The following NAALADL2 variants were observed in gnomAD, a reference collection of about 807,000 sequenced individuals.
NAALADL2 encodes the protein inactive N-acetylated-alpha-linked acidic dipeptidase-like protein 2.
Under a neutral mutation model 87.2 loss-of-function variants are expected in NAALADL2, and 76 were observed. The ratio of observed to expected loss-of-function variants is 0.87; its 90% CI spans 0.72 to 1.05. NAALADL2 has a LOEUF of 1.05. Among genes scored for constraint, NAALADL2 ranks in the 50% least tolerant of loss-of-function variants. NAALADL2 has a pLI of 0.00. For missense variants in NAALADL2, 1,089 were observed against 945.8 expected (o/e 1.15, Z -1.99); for synonymous variants, 354 against 331.0 (o/e 1.07, Z -0.75).
chr3:175,248,230 T>A (rs1748370165), intron 3 of NAALADL2, among the ~76,000 whole-genome samples: 1 of 152,186 alleles, frequency 6.6e-6, no homozygotes, highest in Admixed American at 6.6e-5. Context: ...TTACTTACCA[T>A]CTCCTTGCCT....
intron 4 of NAALADL2, among the ~76,000 whole-genome samples, chr3:175,290,589 A>G (rs1287929843): frequency 6.6e-6 from 1 of 152,158 alleles, no homozygotes; most frequent in East Asian, 1.9e-4. Flanking sequence ...AAACTAGTGG[A>G]TTTTATAATA....
At chr3:175,132,181 A>G (rs1322672451) in intron 2 of NAALADL2, among the ~76,000 whole-genome samples, 5 of 81,418 alleles carry the variant, frequency 6.1e-5, no homozygotes, top group South Asian at 4.7e-4. Flanking sequence ...GGCTGGGCAG[A>G]GGGGCTCCTC....
chr3:174,686,503 A>G (rs960249874), intron 2 of NAALADL2, among the ~76,000 whole-genome samples: 7 of 150,774 alleles, frequency 4.6e-5, no homozygotes, highest in Admixed American at 4.6e-4. Context: ...TTTTTTCCAC[A>G]TGATTATTGG....
intron 11 of NAALADL2, among the ~76,000 whole-genome samples, chr3:175,730,025 C>G (rs1371645456): frequency 6.6e-6 from 1 of 151,990 alleles, no homozygotes; most frequent in African/African-American, 2.4e-5. Context: ...CTCAACCATG[C>G]TTGTGGCTAA....
chr3:174,908,145 C>T (rs1388547648), intron 1 of NAALADL2, among the ~76,000 whole-genome samples: 1 of 150,178 alleles, frequency 6.7e-6, no homozygotes, highest in Non-Finnish European at 1.5e-5. Flanking sequence ...TCTGGAATAC[C>T]TCTCTGGTTG....
intron 2 of NAALADL2, among the ~76,000 whole-genome samples, chr3:174,684,078 C>A (rs1284200716): frequency 6.6e-6 from 1 of 151,846 alleles, no homozygotes; most frequent in Non-Finnish European, 1.5e-5. Context: ...TTTGGCATTT[C>A]AGCCAATCTT....
rs1765397600 is a variant in NAALADL2, at chr3:175,364,936, A to G, written c.1090+40611A>G. On this transcript the variant is annotated intron_variant, in intron 5 of 13. Transcript: ENST00000454872. ...TGTTTTACTTATATTCTCTATGACT[A>G]TCTAGTAACTTGGGGAAAGTACATT... 1.4e-5 allele frequency among the ~76,000 whole-genome samples: 2 copies of G among 147,796 alleles called. 1 individual carries two copies. Among genetic ancestry groups the G allele is most frequent in the African/African-American group, 4.9e-5 (2 of 40,742 alleles).
chr3:174,854,774 C>A (rs1166475162), upstream of NAALADL2, among the ~76,000 whole-genome samples: 2 of 149,458 alleles, frequency 1.3e-5, no homozygotes, highest in Non-Finnish European at 3.0e-5. Context: ...AACACAGTAT[C>A]ATTGTTTTTA....
intron 3 of NAALADL2, among the ~76,000 whole-genome samples, chr3:174,814,058 G>A (rs1212062571): frequency 6.6e-6 from 1 of 151,678 alleles, no homozygotes; most frequent in Non-Finnish European, 1.5e-5. Flanking sequence ...GCACAGAGAA[G>A]GTGTGACAAC....
chr3:175,357,132 A>C (rs1764469274), intron 5 of NAALADL2, among the ~76,000 whole-genome samples: 1 of 152,052 alleles, frequency 6.6e-6, no homozygotes, highest in African/African-American at 2.4e-5. Flanking sequence ...TCTCCTCACT[A>C]TTTTTTATTC....
chr3:175,457,826 T>C (rs974732899), intron 6 of NAALADL2, among the ~76,000 whole-genome samples: 2 of 151,942 alleles, frequency 1.3e-5, no homozygotes, highest in African/African-American at 4.8e-5. Flanking sequence ...TTATCATCTT[T>C]ACACTTATTA....
At chr3:174,935,163 C>G (rs1186701933) in intron 1 of NAALADL2, among the ~76,000 whole-genome samples, 2 of 137,152 alleles carry the variant, frequency 1.5e-5, no homozygotes, top group Admixed American at 7.9e-5. Context: ...GGAAAATCAA[C>G]TGCAAAAAAA....
At chr3:174,950,276 T>G (rs1257915981) in intron 1 of NAALADL2, among the ~76,000 whole-genome samples, 2 of 152,096 alleles carry the variant, frequency 1.3e-5, no homozygotes, top group African/African-American at 2.4e-5. Context: ...GAGTAGATTT[T>G]GGGAATCTGC....
intron 13 of NAALADL2, among the ~76,000 whole-genome samples, chr3:175,770,251 CTTGGTGATGGAT>C (rs1408999841): frequency 2.0e-5 from 3 of 152,022 alleles, no homozygotes; most frequent in Non-Finnish European, 4.4e-5. Flanking sequence ...TCTACAAAAA[CTTGGTGATGGAT>C]TAGGTATGAG....
intron 11 of NAALADL2, among the ~76,000 whole-genome samples, chr3:175,736,410 G>A (rs766065324): frequency 1.3e-5 from 2 of 152,116 alleles, no homozygotes; most frequent in Admixed American, 6.6e-5. Flanking sequence ...AAGAAAAATC[G>A]TATCTAAGAT....
At chr3:174,552,611 A>G (rs1217983422) in intron 2 of NAALADL2, among the ~76,000 whole-genome samples, 1 of 151,878 alleles carries the variant, frequency 6.6e-6, no homozygotes, top group African/African-American at 2.4e-5. Context: ...CCTGGGAAAC[A>G]TGGCGAAATC....
intron 11 of NAALADL2, among the ~76,000 whole-genome samples, chr3:175,686,660 C>T (rs1346001758): frequency 6.6e-6 from 1 of 151,980 alleles, no homozygotes; most frequent in Non-Finnish European, 1.5e-5. Context: ...AATGCAATTA[C>T]ATTATTAGCT....
intron 2 of NAALADL2, among the ~76,000 whole-genome samples, chr3:175,194,257 G>A (rs1329978514): frequency 6.6e-6 from 1 of 151,700 alleles, no homozygotes; most frequent in African/African-American, 2.4e-5. Context: ...TTTGCTTATG[G>A]CATCTGTTGC....
intron 1 of NAALADL2, among the ~76,000 whole-genome samples, chr3:174,960,555 A>G (rs996621230): frequency 6.6e-6 from 1 of 152,196 alleles, no homozygotes; most frequent in Admixed American, 6.6e-5. Context: ...CTATCTAATT[A>G]TAAGAAAATG....
Sources: allele counts gnomAD v4.1 joint callset (sites outside exome capture counted in the v4.1 genomes callset), GRCh38; gene constraint gnomAD v4.1.1; transcripts MANE v1.5; gene names NCBI Gene and HGNC (gene_info 2026-07-23, HGNC 2026-07-21).